The following TTC21B variants were observed in gnomAD, a reference collection of about 807,000 sequenced individuals.
The protein encoded by TTC21B is tetratricopeptide repeat protein 21B.
TTC21B carries 127 observed loss-of-function variants against 175.1 expected under a neutral mutation model. That is an observed-to-expected ratio of 0.73 (90% CI 0.63 to 0.84). The LOEUF (loss-of-function observed/expected upper bound fraction) is 0.84, where lower values mean the gene tolerates loss of function less well. Among genes scored for constraint, TTC21B ranks in the 40% least tolerant of loss-of-function variants. The pLI is 0.00. For missense variants in TTC21B, 1,561 were observed against 1,558.3 expected (o/e 1.00, Z -0.03); for synonymous variants, 524 against 524.5 (o/e 1.00, Z 0.01).
At chr2:165,945,123 T>C (rs1687502955) in intron 4 of TTC21B, among the ~76,000 whole-genome samples, 1 of 152,176 alleles carries the variant, frequency 6.6e-6, no homozygotes, top group African/African-American at 2.4e-5. Flanking sequence ...TATTCATTCA[T>C]GAAAGCAAAG....
At chr2:165,930,088 C>T (rs147205805) in intron 9 of TTC21B, 84 bp downstream of exon 9, 2 of 1,333,800 alleles carry the variant, frequency 1.5e-6, no homozygotes, top group South Asian at 2.4e-5. Flanking sequence ...ACCACAAAAT[C>T]CATGTGTTCT....
At chr2:165,934,042 CT>C (rs2105349928) in intron 6 of TTC21B, 1 of 152,282 alleles carries the variant, frequency 6.6e-6, no homozygotes, top group Admixed American at 6.5e-5. Context: ...CAAGCCTTGC[CT>C]GAGATCAGCA....
In TTC21B at chr2:165,953,773, A is replaced by G. The variant is rs1450955609; in HGVS notation, c.-68T>C. 3 of 1,544,648 alleles carry G rather than the reference A, an allele frequency of 1.9e-6. No individual in the cohort carries two copies. The highest frequency in any genetic ancestry group is 1.7e-6 in the Non-Finnish European group (2 of 1,144,374). On this transcript the variant is annotated 5_prime_UTR_variant, in exon 1 of 29. Coordinates refer to ENST00000243344, the MANE Select transcript of TTC21B (RefSeq NM_024753.5). Reference sequence around the variant, plus strand: ...GCCGCAGCCTAAAGGAAGACGCAGAATTCAGCTCCCCTAGCCTCCCGGAGC... The same window carrying G: ...GCCGCAGCCTAAAGGAAGACGCAGAGTTCAGCTCCCCTAGCCTCCCGGAGC...
chr2:165,938,805 G>C (rs77391530), intron 6 of TTC21B, among the ~76,000 whole-genome samples: 4,382 of 152,088 alleles, frequency 0.029, 87 homozygotes, highest in Middle Eastern at 0.044. Flanking sequence ...CAGAGACAGG[G>C]AGACAGCCTC....
intron 11 of TTC21B, among the ~76,000 whole-genome samples, chr2:165,927,188 C>A (rs1383905014): frequency 2.1e-5 from 1 of 48,226 alleles, no homozygotes; most frequent in East Asian, 4.6e-4. Context: ...ATATATATAT[C>A]CTAGTAGTTA....
At chr2:165,915,122 A>C in intron 15 of TTC21B, 79 bp downstream of exon 15, 1 of 1,173,958 alleles carries the variant, frequency 8.5e-7, no homozygotes, top group Non-Finnish European at 1.3e-6. Context: ...AAGCAGTTGA[A>C]AGAAAGTTAA....
intron 27 of TTC21B, among the ~76,000 whole-genome samples, 156 bp from the exon 28 acceptor site, chr2:165,876,388 T>C (rs537443829): frequency 1.9e-4 from 29 of 152,240 alleles, no homozygotes; most frequent in African/African-American, 6.0e-4. Flanking sequence ...TGTGTGATAA[T>C]AGAAGACAGA....
chr2:165,946,883 C>T (rs1480361067), intron 3 of TTC21B, among the ~76,000 whole-genome samples: 3 of 151,596 alleles, frequency 2.0e-5, no homozygotes, highest in African/African-American at 7.3e-5. Flanking sequence ...TACATCATTC[C>T]CAAAATAGAA....
Position 165,917,403 on chromosome 2 carries a change from T to C in TTC21B, c.1753A>G (p.Thr585Ala), listed in dbSNP as rs778934145. The stretch of plus-strand genomic sequence containing the variant: ...GGTAAACTCATTGCCATATGCAGTG[T>C]TTTAATTGCGTCTGCTATTTCTCCC... ...KMGEIADAIK[T>A]LHMAMSLPGM... Residue 585 changes from threonine to alanine, a missense_variant, in exon 14 of 29, where the codon ACA becomes GCA. By Grantham distance (58) the Thr-to-Ala change is moderately conservative. Transcript: ENST00000243344. 9 of 1,614,050 alleles carry C rather than the reference T, an allele frequency of 5.6e-6. No individual in the cohort carries two copies. Among genetic ancestry groups the C allele is most frequent in the Non-Finnish European group, 7.6e-6 (9 of 1,180,024 alleles).
intron 22 of TTC21B, among the ~76,000 whole-genome samples, chr2:165,894,276 C>T (rs143198501): frequency 1.1e-4 from 16 of 152,136 alleles, no homozygotes; most frequent in Non-Finnish European, 2.1e-4. Context: ...GGCAATCTGT[C>T]GTGAGAGCAG....
At chr2:165,883,715 G>T in intron 26 of TTC21B, 79 bp downstream of exon 26, 2 of 1,119,164 alleles carry the variant, frequency 1.8e-6, no homozygotes, top group East Asian at 2.4e-5. Context: ...CTTGGAAATG[G>T]ACTAACACTC....
rs895624584 is a variant in TTC21B at position 165,901,907 on chromosome 2, G to C, written c.2572C>G (p.Arg858Gly). ...GDAITALQQARELQARVLKRV... is the reference protein window; with the variant it reads ...GDAITALQQAGELQARVLKRV... Reference sequence around the variant, plus strand: ...TTTAGTACCCGAGCTTGTAATTCTCGAGCCTAGAAAAAATCAGTATAAAAG... The same window carrying C: ...TTTAGTACCCGAGCTTGTAATTCTCCAGCCTAGAAAAAATCAGTATAAAAG... Residue 858 changes from arginine (R) to glycine (G), a missense_variant, in exon 20 of 29, where the codon CGA becomes GGA. Physicochemically the swap from Arg to Gly is moderately radical, Grantham distance 125. Coordinates refer to ENST00000243344, the MANE Select transcript of TTC21B (RefSeq NM_024753.5). The C allele has an allele frequency of 2.5e-6, 4 of 1,612,056 alleles. No homozygotes were observed. In the Admixed American group the frequency reaches 5.0e-5, roughly 20 times the overall value.
At chr2:165,950,511 A>G (rs1687726936) in intron 1 of TTC21B, among the ~76,000 whole-genome samples, 1 of 152,190 alleles carries the variant, frequency 6.6e-6, no homozygotes, top group South Asian at 2.1e-4. Context: ...AGTTTGGGCC[A>G]CCCCATACCT....
At chr2:165,894,065 G>T (rs1685281703) in intron 22 of TTC21B, among the ~76,000 whole-genome samples, 1 of 152,152 alleles carries the variant, frequency 6.6e-6, no homozygotes, top group South Asian at 2.1e-4. Context: ...CCAGAACCTA[G>T]AAGCTGGAAG....
intron 14 of TTC21B, among the ~76,000 whole-genome samples, chr2:165,916,176 T>A (rs1686168099): frequency 1.3e-5 from 2 of 152,094 alleles, no homozygotes; most frequent in Admixed American, 1.3e-4. Context: ...GATGGTAAAA[T>A]CTCTTGGACC....
intron 4 of TTC21B, among the ~76,000 whole-genome samples, chr2:165,944,844 C>T (rs948817117): frequency 6.6e-5 from 10 of 152,144 alleles, no homozygotes; most frequent in African/African-American, 2.2e-4. Context: ...GGAGTACCTA[C>T]TTCCCTTTCC....
chr2:165,890,961 A>G lies in TTC21B; in HGVS notation c.2978T>C (p.Ile993Thr), dbSNP rs563347702. Residue 993 changes from isoleucine (I) to threonine (T), a missense_variant, in exon 23 of 29, where the codon ATT (isoleucine) becomes ACT (threonine). Ile to Thr is a moderately conservative substitution (Grantham distance 89, BLOSUM62 -1). Transcript: ENST00000243344. ...TTTTCCACATCTTCTTAGGAGATCAATCAAACGAGATAATGTCATATAATT... is the reference window on the plus strand; with the variant it reads ...TTTTCCACATCTTCTTAGGAGATCAGTCAAACGAGATAATGTCATATAATT... ...PDNYMTLSRL[I>T]DLLRRCGKLE... 2 of 1,612,886 alleles carry G rather than the reference A, an allele frequency of 1.2e-6. No homozygotes were observed. Among genetic ancestry groups the G allele is most frequent in the South Asian group, 1.1e-5 (1 of 91,060 alleles).
In TTC21B at chr2:165,877,588, G is replaced by A. The variant is rs528150372; in HGVS notation, c.3806-1356C>T. Among the ~76,000 whole-genome samples the A allele has an allele frequency of 2.0e-5, 3 of 152,292 alleles. No homozygotes were observed. The East Asian group carries it at 5.8e-4, about 29-fold the overall frequency. ...GTAGTAGGATCTACCACCTAGGTTT[G>A]TGTAAGTATACTCTAAGATGTTCAC... is the stretch of plus-strand genomic sequence containing the variant. On this transcript the variant is annotated intron_variant, in intron 27 of 28. Transcript: ENST00000243344.
At chr2:165,930,793 GAATA>G (rs2105345998) in intron 8 of TTC21B, among the ~76,000 whole-genome samples, 1 of 125,988 alleles carries the variant, frequency 7.9e-6, no homozygotes, top group East Asian at 2.2e-4. Flanking sequence ...TTTTCTTATT[GAATA>G]AAAAACTAGG....
Sources: allele counts gnomAD v4.1 joint callset (sites outside exome capture counted in the v4.1 genomes callset), GRCh38; gene constraint gnomAD v4.1.1; transcripts MANE v1.5; gene names NCBI Gene and HGNC (gene_info 2026-07-23, HGNC 2026-07-21).